INTS9: variants seen among roughly 807,000 people sequenced by gnomAD.
INTS9 encodes integrator complex subunit 9.
INTS9 carries 55 observed loss-of-function variants against 79.7 expected under a neutral mutation model. The ratio of observed to expected loss-of-function variants is 0.69; its 90% CI spans 0.56 to 0.86. The LOEUF (loss-of-function observed/expected upper bound fraction) is 0.86, where lower values mean the gene tolerates loss of function less well. Among genes scored for constraint, INTS9 ranks in the 40% least tolerant of loss-of-function variants. The pLI is 0.00. For synonymous variants in INTS9, 319 were observed against 325.2 expected (o/e 0.98, Z 0.20); for missense variants, 721 against 831.5 (o/e 0.87, Z 1.64).
At chr8:28,850,632 A>G (rs1169128186) in intron 2 of INTS9, among the ~76,000 whole-genome samples, 1 of 152,260 alleles carries the variant, frequency 6.6e-6, no homozygotes, top group Non-Finnish European at 1.5e-5. Flanking sequence ...AGGGCAGAAT[A>G]GGCATCATCT....
rs143479383 is a variant in INTS9 at position 28,801,134 on chromosome 8, G to A, written c.745-4479C>T. 1.8e-3 allele frequency among the ~76,000 whole-genome samples: 269 copies of A among 152,226 alleles called. 1 individual carries two copies. Among genetic ancestry groups the A allele is most frequent in the African/African-American group, 6.2e-3 (256 of 41,530 alleles). On this transcript the variant is annotated intron_variant, in intron 8 of 16. Coordinates refer to ENST00000521022, the MANE Select transcript of INTS9 (RefSeq NM_018250.4). ...CAGCAAAACATTTGGGGAAATTCAG[G>A]GGGAAGAAATCATTACAAAAAAACA...
intron 10 of INTS9, among the ~76,000 whole-genome samples, chr8:28,788,329 G>A (rs1469598025): frequency 6.6e-6 from 1 of 152,146 alleles, no homozygotes; most frequent in East Asian, 1.9e-4. Context: ...TCTGTTCCAG[G>A]ATCCAATCCG....
intron 1 of INTS9, among the ~76,000 whole-genome samples, chr8:28,883,379 A>G (rs1401767933): frequency 2.6e-5 from 4 of 152,324 alleles, no homozygotes; most frequent in African/African-American, 7.2e-5. Flanking sequence ...TTTACTAAAC[A>G]CGGATGAAGT....
chr8:28,879,042 G>A (rs542563954), intron 1 of INTS9, among the ~76,000 whole-genome samples: 5 of 152,108 alleles, frequency 3.3e-5, no homozygotes, highest in Admixed American at 2.6e-4. Flanking sequence ...AGAACATAGA[G>A]GAGGTACAGA....
chr8:28,813,429 C>T, intron 7 of INTS9, 63 bp downstream of exon 7: 1 of 1,525,926 alleles, frequency 6.6e-7, no homozygotes, highest in South Asian at 1.2e-5. Context: ...TTCTTCCAAA[C>T]AACAAACAAC....
intron 6 of INTS9, among the ~76,000 whole-genome samples, chr8:28,816,640 A>G (rs80053033): frequency 0.17 from 24,220 of 139,600 alleles, 851 homozygotes; most frequent in East Asian, 0.36. Flanking sequence ...TTATAGCAGC[A>G]TGACTTATAG....
chr8:28,857,391 C>T (rs1563301535), intron 2 of INTS9, among the ~76,000 whole-genome samples: 1 of 152,126 alleles, frequency 6.6e-6, no homozygotes, highest in Non-Finnish European at 1.5e-5. Flanking sequence ...CCCATCACAT[C>T]TAATAACATG....
In INTS9 at chr8:28,780,946, A is replaced by C. The variant is rs772855738; in HGVS notation, c.1147T>G (p.Phe383Val). The change falls in exon 12 of 17, where the codon TTC (phenylalanine) becomes GTC (valine). Residue 383 changes from phenylalanine (F) to valine (V), a missense_variant. Phe to Val is a conservative substitution (Grantham distance 50, BLOSUM62 -1). Coordinates refer to ENST00000521022, the MANE Select transcript of INTS9 (RefSeq NM_018250.4). Reference sequence around the variant, plus strand: ...CAGGGCTGTCTAAAGTCGTTGCTGAAGTCTCCGTGGATGCTGGGGTAGTGC... The same window carrying C: ...CAGGGCTGTCTAAAGTCGTTGCTGACGTCTCCGTGGATGCTGGGGTAGTGC... Reference protein sequence around the residue: ...LKHYPSIHGDFSNDFRQPCVV... With the variant: ...LKHYPSIHGDVSNDFRQPCVV... The C allele has an allele frequency of 8.9e-5, 144 of 1,614,062 alleles. No homozygotes were observed. The highest frequency in any genetic ancestry group is 1.2e-4 in the Non-Finnish European group (140 of 1,180,044).
intron 1 of INTS9, among the ~76,000 whole-genome samples, chr8:28,877,861 T>C (rs1384651641): frequency 1.3e-5 from 2 of 152,192 alleles, no homozygotes; most frequent in Non-Finnish European, 2.9e-5. Context: ...GGTGGAACAA[T>C]ATCTTTCAGG....
chr8:28,787,113 A>C (rs183532634), intron 11 of INTS9, among the ~76,000 whole-genome samples: 4 of 152,348 alleles, frequency 2.6e-5, no homozygotes, highest in Admixed American at 6.5e-5. Context: ...TGTTAGCTTC[A>C]TTGTAGTAGA....
At chr8:28,828,017 AG>A (rs1806253435) in intron 6 of INTS9, among the ~76,000 whole-genome samples, 1 of 152,210 alleles carries the variant, frequency 6.6e-6, no homozygotes, top group Non-Finnish European at 1.5e-5. Flanking sequence ...GAAACGGTGA[AG>A]TGACCAGAAT....
At chr8:28,814,284 TCACACACA>T (rs60850682) in intron 6 of INTS9, among the ~76,000 whole-genome samples, 22,325 of 134,130 alleles carry the variant, frequency 0.17, 1,829 homozygotes, top group Admixed American at 0.2. Flanking sequence ...ACAGGGCTTC[TCACACACA>T]CACACACACA....
chr8:28,769,783 T>C (rs1802419508), intron 16 of INTS9, 106 bp downstream of exon 16: 7 of 1,426,140 alleles, frequency 4.9e-6, no homozygotes, highest in Non-Finnish European at 6.7e-6. Context: ...CAGTGGGGAC[T>C]AAGTGACAAG....
rs767828218 is a variant in INTS9 at position 28,813,481 on chromosome 8, T to C, written c.609+11A>G. The C allele has an allele frequency of 4.2e-5, 67 of 1,611,718 alleles. No homozygotes were observed. The highest frequency in any genetic ancestry group is 5.3e-5 in the Non-Finnish European group (63 of 1,178,166). On this transcript the variant is annotated intron_variant, in intron 7 of 16. Coordinates refer to ENST00000521022, the MANE Select transcript of INTS9 (RefSeq NM_018250.4). ...ATTCATGAATAACTGAAATGTAATA[T>C]GAATACTCACAATTTTCTGAGAATA... is the stretch of plus-strand genomic sequence containing the variant.
At chr8:28,782,144 A>G (rs961475004) in intron 11 of INTS9, among the ~76,000 whole-genome samples, 3 of 152,264 alleles carry the variant, frequency 2.0e-5, no homozygotes, top group Admixed American at 2.0e-4. Context: ...TGTGGAACAC[A>G]TGGGCAAGTC....
chr8:28,775,708 A>G (rs781748312), intron 14 of INTS9, 51 bp downstream of exon 14: 1 of 1,591,904 alleles, frequency 6.3e-7, no homozygotes, highest in Admixed American at 1.7e-5. Flanking sequence ...ACGATCTCCA[A>G]GAGCCTCTGT....
intron 8 of INTS9, among the ~76,000 whole-genome samples, chr8:28,806,158 A>G (rs1166020223): frequency 2.0e-5 from 3 of 152,224 alleles, no homozygotes; most frequent in Non-Finnish European, 4.4e-5. Context: ...TGAACTGCGG[A>G]GGCAGAGGCT....
intron 8 of INTS9, 108 bp from the exon 9 acceptor site, chr8:28,796,763 C>G (rs1297507851): frequency 1.3e-6 from 1 of 744,130 alleles, no homozygotes; most frequent in Non-Finnish European, 2.4e-6. Context: ...TTTAACCCAT[C>G]ATCGAGTTCT....
intron 13 of INTS9, 93 bp downstream of exon 13, chr8:28,777,734 AAC>A: frequency 7.2e-7 from 1 of 1,385,846 alleles, no homozygotes. Flanking sequence ...ACAAGAATCA[AAC>A]ACAGCTAGAT....
Sources: gnomAD v4.1 joint callset for allele counts (sites outside exome capture counted in the v4.1 genomes callset) on GRCh38, gnomAD v4.1.1 for gene constraint, MANE v1.5 for transcripts, NCBI Gene and HGNC (gene_info 2026-07-23, HGNC 2026-07-21) for gene names.